The following NALF1 variants were observed in gnomAD, a reference collection of about 807,000 sequenced individuals.
NALF1 encodes NALCN channel auxiliary factor 1.
NALF1 carries 3 observed loss-of-function variants against 48.4 expected under a neutral mutation model. The observed-to-expected ratio is 0.06, with a 90% CI of 0.03 to 0.16. The LOEUF is 0.16. Among genes scored for constraint, NALF1 ranks in the 10% least tolerant of loss-of-function variants. NALF1 has a pLI of 1.00. For missense variants in NALF1, 526 were observed against 571.5 expected (o/e 0.92, Z 0.81); for synonymous variants, 262 against 245.7 (o/e 1.07, Z -0.62).
rs3071017 is a variant in NALF1 at position 107,179,671 on chromosome 13, TA to T, written c.1088-8886del. Among the ~76,000 whole-genome samples, 198 of 137,588 alleles carry T rather than the reference TA, an allele frequency of 1.4e-3. 1 individual carries two copies. Among genetic ancestry groups the T allele is most frequent in the South Asian group, 8.2e-3 (35 of 4,246 alleles). The allele number at this position is 137,588 out of a possible 152,430, so 90.3% of individuals were successfully genotyped here. ...CAAAAGTTAAAAATGTTTTGAAAAC[TA>T]AAAAAAAAAAAAAACCACAGCAGAA... On this transcript the variant is annotated intron_variant, in intron 2 of 2. Transcript: ENST00000375915.
intron 1 of NALF1, among the ~76,000 whole-genome samples, chr13:107,340,575 A>T (rs1210991116): frequency 1.4e-5 from 2 of 147,988 alleles, no homozygotes; most frequent in Non-Finnish European, 3.0e-5. Context: ...GGAAGAAGGG[A>T]TTTACAGGAA....
At position 107,238,108 on chromosome 13, in the gene NALF1, T is replaced by C. The variant is rs570213015; in HGVS notation, c.916-27353A>G. Among the ~76,000 whole-genome samples, 79 of 152,328 alleles carry C rather than the reference T, an allele frequency of 5.2e-4. 1 individual carries two copies. The South Asian group carries it at 0.016, about 31-fold the overall frequency. On this transcript the variant is annotated intron_variant, in intron 1 of 2. Coordinates refer to ENST00000375915, the MANE Select transcript of NALF1 (RefSeq NM_001080396.3). ...ACCGTTTAAAATAAGGCTCAGTTTT[T>C]AGGATGGAGCTAAACTACCTACAAG... is the stretch of plus-strand genomic sequence containing the variant.
At chr13:107,662,036 G>T (rs993657265) in intron 1 of NALF1, among the ~76,000 whole-genome samples, 1 of 152,090 alleles carries the variant, frequency 6.6e-6, no homozygotes, top group Non-Finnish European at 1.5e-5. Flanking sequence ...AATCTTCCTA[G>T]ATTAAAAGAA....
At chr13:107,540,572 T>C (rs1199817520) in intron 1 of NALF1, among the ~76,000 whole-genome samples, 1 of 152,136 alleles carries the variant, frequency 6.6e-6, no homozygotes, top group East Asian at 1.9e-4. Flanking sequence ...GCTTTTGAAA[T>C]GCTGGATCAA....
intron 1 of NALF1, among the ~76,000 whole-genome samples, chr13:107,492,848 T>A (rs1448226124): frequency 6.6e-6 from 1 of 152,164 alleles, no homozygotes; most frequent in Non-Finnish European, 1.5e-5. Flanking sequence ...CGTACACAAT[T>A]TTGTTTTCTT....
At chr13:107,510,726 C>T (rs749993540) in intron 1 of NALF1, among the ~76,000 whole-genome samples, 1 of 152,162 alleles carries the variant, frequency 6.6e-6, no homozygotes, top group Non-Finnish European at 1.5e-5. Context: ...CAACGCCAGA[C>T]AAGGACATTC....
At chr13:107,842,276 A>T (rs1209482705) in intron 1 of NALF1, among the ~76,000 whole-genome samples, 1 of 152,036 alleles carries the variant, frequency 6.6e-6, no homozygotes, top group East Asian at 1.9e-4. Context: ...TGCCTATTTT[A>T]TAGATGAAAC....
intron 2 of NALF1, among the ~76,000 whole-genome samples, chr13:107,198,422 C>T (rs892727709): frequency 6.6e-6 from 1 of 152,196 alleles, no homozygotes; most frequent in African/African-American, 2.4e-5. Flanking sequence ...ACCCTTTCTT[C>T]GTTACTACTC....
intron 1 of NALF1, among the ~76,000 whole-genome samples, chr13:107,535,348 A>G (rs1876769681): frequency 6.6e-6 from 1 of 152,114 alleles, no homozygotes; most frequent in South Asian, 2.1e-4. Flanking sequence ...ATTTTGAGAT[A>G]CGTCCCATCA....
At chr13:107,433,069 C>T (rs1325541205) in intron 1 of NALF1, among the ~76,000 whole-genome samples, 1 of 152,046 alleles carries the variant, frequency 6.6e-6, no homozygotes, top group East Asian at 1.9e-4. Flanking sequence ...TAATGTCTGA[C>T]CTTATCCAGA....
intron 1 of NALF1, among the ~76,000 whole-genome samples, chr13:107,641,489 A>G (rs984329424): frequency 2.6e-5 from 4 of 152,216 alleles, no homozygotes; most frequent in African/African-American, 9.7e-5. Flanking sequence ...CATTGTATGC[A>G]TTTATCAAAA....
At chr13:107,264,557 T>C (rs1176213193) in intron 1 of NALF1, among the ~76,000 whole-genome samples, 2 of 152,180 alleles carry the variant, frequency 1.3e-5, no homozygotes, top group African/African-American at 4.8e-5. Context: ...TAGGGGTATA[T>C]GTGAGGAAAA....
At chr13:107,313,400 A>G (rs531092449) in intron 1 of NALF1, among the ~76,000 whole-genome samples, 1 of 152,290 alleles carries the variant, frequency 6.6e-6, no homozygotes, top group East Asian at 1.9e-4. Context: ...CCTCCAAATT[A>G]TTCCTAAATA....
chr13:107,801,826 C>T (rs1878621487), intron 1 of NALF1, among the ~76,000 whole-genome samples: 1 of 151,914 alleles, frequency 6.6e-6, no homozygotes, highest in Admixed American at 6.5e-5. Context: ...CCTTCCGAGT[C>T]GCCTTCTTCC....
At chr13:107,241,939 C>G (rs1171176319) in intron 1 of NALF1, among the ~76,000 whole-genome samples, 1 of 152,180 alleles carries the variant, frequency 6.6e-6, no homozygotes, top group Non-Finnish European at 1.5e-5. Context: ...GGCAGCAAAG[C>G]ATCTCATAAA....
At chr13:107,560,083 T>G (rs904200487) in intron 1 of NALF1, among the ~76,000 whole-genome samples, 5 of 152,090 alleles carry the variant, frequency 3.3e-5, no homozygotes, top group African/African-American at 7.2e-5. Flanking sequence ...CCAAGTTTTT[T>G]GGGATTAGGG....
At position 107,403,448 on chromosome 13, in the gene NALF1, T is replaced by A. The variant is rs149606028; in HGVS notation, c.916-192693A>T. 1.4e-4 allele frequency among the ~76,000 whole-genome samples: 21 copies of A among 151,862 alleles called. 1 individual carries two copies. The South Asian group carries it at 3.5e-3, about 25-fold the overall frequency. ...ACACTGATCATGTCTGGGAAAAAAG[T>A]AGCATGCTTGAAGTGATTAGATTTT... On this transcript the variant is annotated intron_variant, in intron 1 of 2. Coordinates refer to ENST00000375915, the MANE Select transcript of NALF1 (RefSeq NM_001080396.3).
At chr13:107,263,043 G>C (rs949860817) in intron 1 of NALF1, among the ~76,000 whole-genome samples, 2 of 152,130 alleles carry the variant, frequency 1.3e-5, no homozygotes, top group Non-Finnish European at 2.9e-5. Flanking sequence ...GTGAGGAAGA[G>C]TTGAGGGGTT....
chr13:107,793,431 G>C (rs1250477862), intron 1 of NALF1, among the ~76,000 whole-genome samples: 1 of 152,116 alleles, frequency 6.6e-6, no homozygotes, highest in Non-Finnish European at 1.5e-5. Flanking sequence ...CCATCTTAAT[G>C]TATTTATCAA....
Sources: allele counts gnomAD v4.1 joint callset (sites outside exome capture counted in the v4.1 genomes callset), GRCh38; gene constraint gnomAD v4.1.1; transcripts MANE v1.5; gene names NCBI Gene and HGNC (gene_info 2026-07-23, HGNC 2026-07-21).